FNBP4: variants seen among roughly 807,000 people sequenced by gnomAD.
The protein encoded by FNBP4 is formin-binding protein 4.
A neutral mutation model predicts 119.3 loss-of-function variants in FNBP4; 34 were observed. The observed-to-expected ratio is 0.28, with a 90% confidence interval of 0.22 to 0.38. The LOEUF is 0.38. FNBP4 is among the 10% of genes least tolerant of loss of function. FNBP4 has a pLI of 1.00. For missense variants in FNBP4, 1,112 were observed against 1,228.9 expected, an observed-to-expected ratio of 0.90 and a Z score of 1.42; for synonymous variants, 462 against 430.6, an observed-to-expected ratio of 1.07 and a Z score of -0.90.
At chr11:47,742,139 G>T (rs989308823) in intron 8 of FNBP4, among the ~76,000 whole-genome samples, 1 of 151,954 alleles carries the variant, frequency 6.6e-6, no homozygotes, top group Admixed American at 6.6e-5. Context: ...AACTGTAAAC[G>T]TATATAAAGA....
intron 12 of FNBP4, chr11:47,726,299 G>C (rs542199889): frequency 6.6e-6 from 1 of 151,844 alleles, no homozygotes; most frequent in African/African-American, 2.4e-5. Context: ...TAGGTGGTGC[G>C]ATCATAGCTC....
Position 47,736,865 on chromosome 11 carries a change from C to T in FNBP4, c.1457-125G>A, listed in dbSNP as rs915883898. On this transcript the variant is annotated intron_variant, in intron 8 of 16. Transcript: ENST00000263773. ...CTTTCTCTCTTGCCTGTTTTACTTA[C>T]TTGTTAAAACTCTTCAAACATGTCA... 6.7e-6 allele frequency: 6 copies of T among 895,194 alleles called. No homozygotes were observed. In the African/African-American group the frequency reaches 8.6e-5, roughly 13 times the overall value. 55.5% of individuals were successfully genotyped at this position (895,194 alleles called of 1,614,324 possible).
chr11:47,763,143 A>T (rs958740095), intron 2 of FNBP4, among the ~76,000 whole-genome samples: 1 of 152,090 alleles, frequency 6.6e-6, no homozygotes, highest in Admixed American at 6.6e-5. Context: ...AGTTGTAAGA[A>T]CAAGTCCTTG....
chr11:47,731,702 A>T, intron 11 of FNBP4, 141 bp from the exon 12 acceptor site: 1 of 1,407,272 alleles, frequency 7.1e-7, no homozygotes, highest in Non-Finnish European at 9.2e-7. Flanking sequence ...GGCAACAAAG[A>T]GCTTTGACAA....
Position 47,757,589 on chromosome 11 carries a change from G to T in FNBP4, c.314-2925C>A, listed in dbSNP as rs11039371. ...GCTCATTGCAACCTCCACCTCCAGG[G>T]TTCATGCGATTCTCCTGCCTCAGCC... On this transcript the variant is annotated intron_variant, in intron 2 of 16. Transcript: ENST00000263773. Among the ~76,000 whole-genome samples the T allele has an allele frequency of 6.2e-3, 949 of 152,016 alleles. 12 individuals are homozygous for T. Among genetic ancestry groups the T allele is most frequent in the African/African-American group, 0.022 (899 of 41,456 alleles).
In FNBP4 at chr11:47,722,644, G is replaced by A. The variant is rs538619067; in HGVS notation, c.2805+332C>T. The stretch of plus-strand genomic sequence containing the variant: ...CTTGCTCTGTCACCCAGGCTGGAGT[G>A]CAGTGCTGTGATCCTGGCTCACTGC... On this transcript the variant is annotated intron_variant, in intron 15 of 16. Transcript: ENST00000263773. 2.6e-5 allele frequency among the ~76,000 whole-genome samples: 4 copies of A among 152,140 alleles called. No homozygotes were observed. The East Asian group carries it at 5.8e-4, about 22-fold the overall frequency.
At chr11:47,761,570 C>A (rs901746706) in intron 2 of FNBP4, among the ~76,000 whole-genome samples, 1 of 149,444 alleles carries the variant, frequency 6.7e-6, no homozygotes, top group Non-Finnish European at 1.5e-5. Context: ...CCAGCCTGGG[C>A]GACAGAACAA....
intron 1 of FNBP4, among the ~76,000 whole-genome samples, 196 bp from the exon 2 acceptor site, chr11:47,765,558 AGGCCAAGACGGGGGGGGGGGGG>A (rs1458563734): frequency 5.2e-5 from 1 of 19,318 alleles, no homozygotes; most frequent in Non-Finnish European, 8.2e-5. Context: ...GCACTTTGGG[AGGCCAAGACGGGGGGGGGGGGG>A]GGCCACTTGA....
chr11:47,717,237 C>G lies in FNBP4; in HGVS notation c.*185G>C. 1 of 559,928 alleles carries G rather than the reference C, an allele frequency of 1.8e-6. No homozygotes were observed. The highest frequency in any genetic ancestry group is 3.2e-6 in the Non-Finnish European group (1 of 317,346). The allele number at this position is 559,928 out of a possible 1,614,324, so 34.7% of individuals were successfully genotyped here. Reference sequence around the variant, plus strand: ...TCAAAGCAATTCCAATCACCTCATCCCTTTGCAAAAACAGAAAAATTACAT... The same window carrying G: ...TCAAAGCAATTCCAATCACCTCATCGCTTTGCAAAAACAGAAAAATTACAT... On this transcript the variant is annotated 3_prime_UTR_variant, in exon 17 of 17. Coordinates refer to ENST00000263773, the MANE Select transcript of FNBP4 (RefSeq NM_015308.5).
intron 8 of FNBP4, 147 bp downstream of exon 8, chr11:47,743,806 A>G (rs1410442793): frequency 1.4e-6 from 1 of 690,508 alleles, no homozygotes; most frequent in Non-Finnish European, 2.4e-6. Flanking sequence ...AAAGGTAGAG[A>G]GGTGGATGGA....
Position 47,751,288 on chromosome 11 carries a change from C to T in FNBP4, c.640G>A (p.Gly214Arg), listed in dbSNP as rs1303793187. ...YDTQCSLAGVGIEMGDWQEVW... is the reference protein window; with the variant it reads ...YDTQCSLAGVRIEMGDWQEVW... ...TCCTGCCAATCGCCCATCTCAATTC[C>T]GACTAGAAGATAAAACAAATTTTAA... The change falls in exon 5 of 17, where the codon GGA becomes AGA. Residue 214 changes from glycine (G) to arginine (R), a missense_variant and splice_region_variant. Physicochemically the swap from Gly to Arg is moderately radical, Grantham distance 125. Transcript: ENST00000263773. 1.2e-6 allele frequency: 2 copies of T among 1,613,878 alleles called. No individual in the cohort carries two copies. The highest frequency in any genetic ancestry group is 1.7e-6 in the Non-Finnish European group (2 of 1,179,946).
Position 47,767,251 on chromosome 11 carries a change from G to A in FNBP4, c.38C>T (p.Pro13Leu). ...KKSRAVPGRR[P>L]ILQLSPPGPR... ...ACCCGGCGGAGAGAGTTGCAGGATG[G>A]GCCTACGGCCGGGTACCGCCCGGGA... Residue 13 changes from proline (P) to leucine (L), a missense_variant, in exon 1 of 17, where the codon CCC (proline) becomes CTC (leucine). By Grantham distance (98) the Pro-to-Leu change is moderately conservative. This residue lies in a region of FNBP4 where 286 missense variants were observed against 240.1 expected (regional missense o/e 1.19). Transcript: ENST00000263773. The A allele has an allele frequency of 1.3e-6, 2 of 1,564,200 alleles. No homozygotes were observed. The highest frequency in any genetic ancestry group is 1.7e-6 in the Non-Finnish European group (2 of 1,163,196).
intron 6 of FNBP4, 32 bp downstream of exon 6, chr11:47,750,884 A>G: frequency 6.2e-7 from 1 of 1,611,604 alleles, no homozygotes; most frequent in Non-Finnish European, 8.5e-7. Context: ...TAGATCTGAA[A>G]ATAAACAAAT....
intron 4 of FNBP4, 146 bp downstream of exon 4, chr11:47,752,770 C>T (rs1459698653): frequency 5.8e-5 from 40 of 691,800 alleles, no homozygotes; most frequent in Middle Eastern, 4.2e-4. Flanking sequence ...GCCAAGATCG[C>T]GCCAGTGCAC....
At chr11:47,748,229 G>T (rs1297932269) in intron 6 of FNBP4, among the ~76,000 whole-genome samples, 5 of 150,786 alleles carry the variant, frequency 3.3e-5, no homozygotes, top group Non-Finnish European at 7.4e-5. Flanking sequence ...ACAGAGCTAG[G>T]CTAGGTCTCA....
At chr11:47,759,453 A>G (rs1459140647) in intron 2 of FNBP4, among the ~76,000 whole-genome samples, 5 of 151,842 alleles carry the variant, frequency 3.3e-5, no homozygotes, top group Non-Finnish European at 7.4e-5. Flanking sequence ...ACCTCAAGTG[A>G]TCTGCCTGCC....
intron 3 of FNBP4, among the ~76,000 whole-genome samples, chr11:47,753,541 G>A (rs2135241117): frequency 3.3e-5 from 5 of 152,128 alleles, no homozygotes; most frequent in Admixed American, 3.3e-4. Context: ...AATCTGGGAG[G>A]CGGGGATTGC....
At chr11:47,753,652 C>T (rs922222189) in intron 3 of FNBP4, among the ~76,000 whole-genome samples, 7 of 151,972 alleles carry the variant, frequency 4.6e-5, no homozygotes, top group Non-Finnish European at 1.0e-4. Flanking sequence ...CAATTATTAT[C>T]GGGCGTGGTG....
intron 11 of FNBP4, chr11:47,731,883 C>G (rs2097567856): frequency 9.6e-7 from 1 of 1,038,620 alleles, no homozygotes; most frequent in Admixed American, 5.4e-5. Flanking sequence ...TGAAGGGACT[C>G]AATCGCCTAG....
Sources: allele counts gnomAD v4.1 joint callset (sites outside exome capture counted in the v4.1 genomes callset), GRCh38; gene constraint gnomAD v4.1.1; regional missense constraint gnomAD v4.1.1; transcripts MANE v1.5; gene names NCBI Gene and HGNC (gene_info 2026-07-23, HGNC 2026-07-21).